CSTF3: variants seen among roughly 807,000 people sequenced by gnomAD.
CSTF3 encodes cleavage stimulation factor subunit 3, also known as CF-1 77 kDa subunit.
In CSTF3, 29 loss-of-function variants were observed where a neutral mutation model predicts 105.8. The ratio of observed to expected loss-of-function variants is 0.27; its 90% CI spans 0.20 to 0.37. The LOEUF (loss-of-function observed/expected upper bound fraction) is 0.37, where lower values mean the gene tolerates loss of function less well. CSTF3 is among the 10% of genes least tolerant of loss of function. The pLI is 1.00. For missense variants in CSTF3, 357 were observed against 879.3 expected (o/e 0.41, Z 7.51); for synonymous variants, 252 against 281.9 (o/e 0.89, Z 1.06).
intron 13 of CSTF3, 24 bp from the exon 14 acceptor site, chr11:33,097,002 T>A (rs1323446729): frequency 1.9e-6 from 3 of 1,556,340 alleles, no homozygotes; most frequent in African/African-American, 2.7e-5. Context: ...AGTATTTGTG[T>A]TCTATAAATT....
At position 33,105,492 on chromosome 11, in the gene CSTF3, T is replaced by C; in HGVS notation, c.585+75A>G. On this transcript the variant is annotated intron_variant, in intron 8 of 20. Coordinates refer to ENST00000323959, the MANE Select transcript of CSTF3 (RefSeq NM_001326.3). The stretch of plus-strand genomic sequence containing the variant: ...GTGTAACACTGATACAGAAAGGCTA[T>C]AATCTACAAATCCACAATGCATAGA... 2.2e-6 allele frequency: 3 copies of C among 1,361,848 alleles called. No homozygotes were observed. The South Asian group carries it at 4.2e-5, about 19-fold the overall frequency. The allele number at this position is 1,361,848 out of a possible 1,614,324, so 84.4% of individuals were successfully genotyped here.
intron 3 of CSTF3, among the ~76,000 whole-genome samples, chr11:33,126,390 C>T (rs1280622701): frequency 6.6e-6 from 1 of 151,934 alleles, no homozygotes; most frequent in East Asian, 1.9e-4. Flanking sequence ...TTACAGGTTA[C>T]AGTGAGCGGA....
intron 15 of CSTF3, among the ~76,000 whole-genome samples, chr11:33,093,116 G>A (rs1044550446): frequency 2.6e-5 from 4 of 152,144 alleles, no homozygotes; most frequent in Non-Finnish European, 5.9e-5. Flanking sequence ...TAACCCAGCA[G>A]AGGAGTTGTT....
chr11:33,104,402 T>C (rs1855308699), intron 8 of CSTF3, among the ~76,000 whole-genome samples: 1 of 152,162 alleles, frequency 6.6e-6, no homozygotes, highest in Non-Finnish European at 1.5e-5. Context: ...TCTATTACAC[T>C]AGATATGAAA....
At chr11:33,087,201 T>A (rs542164672) in intron 17 of CSTF3, 60 bp from the exon 18 acceptor site, 2 of 1,555,540 alleles carry the variant, frequency 1.3e-6, no homozygotes, top group African/African-American at 2.7e-5. Flanking sequence ...AGAATAATCA[T>A]GCAATAACCT....
At chr11:33,092,713 A>G (rs536291442) in intron 15 of CSTF3, among the ~76,000 whole-genome samples, 9 of 152,332 alleles carry the variant, frequency 5.9e-5, no homozygotes, top group African/African-American at 2.2e-4. Flanking sequence ...GACTACTGCT[A>G]TTTTTTAAAT....
chr11:33,088,643 C>T lies in CSTF3; in HGVS notation c.1642-1502G>A, dbSNP rs1052823557. 4.0e-5 allele frequency among the ~76,000 whole-genome samples: 6 copies of T among 151,870 alleles called. No homozygotes were observed. The South Asian group carries it at 6.3e-4, about 16-fold the overall frequency. ...ATTTTATTTTTTTAAGACAGGGTCT[C>T]ACTCTGTCACCCAGTCAGGAGTGCA... is the stretch of plus-strand genomic sequence containing the variant. On this transcript the variant is annotated intron_variant, in intron 17 of 20. Transcript: ENST00000323959.
intron 10 of CSTF3, among the ~76,000 whole-genome samples, chr11:33,100,496 C>T (rs543065028): frequency 5.9e-5 from 9 of 152,218 alleles, no homozygotes; most frequent in African/African-American, 2.2e-4. Flanking sequence ...TGCACCCAGC[C>T]TAAGTTAATA....
intron 16 of CSTF3, 134 bp from the exon 17 acceptor site, chr11:33,090,861 A>G: frequency 3.9e-6 from 2 of 510,810 alleles, no homozygotes; most frequent in South Asian, 8.3e-5. Flanking sequence ...AAAGATTTTT[A>G]GACTATAGAA....
At chr11:33,112,469 T>C (rs1699728335) in intron 3 of CSTF3, among the ~76,000 whole-genome samples, 1 of 152,176 alleles carries the variant, frequency 6.6e-6, no homozygotes, top group Non-Finnish European at 1.5e-5. Flanking sequence ...CCATAAATCA[T>C]ACTAGTCAAC....
intron 3 of CSTF3, among the ~76,000 whole-genome samples, chr11:33,125,487 T>A (rs1256371268): frequency 2.0e-5 from 3 of 152,220 alleles, no homozygotes; most frequent in Non-Finnish European, 4.4e-5. Context: ...CTACTTTACA[T>A]ACATGGCTTC....
intron 14 of CSTF3, 62 bp from the exon 15 acceptor site, chr11:33,096,470 GAA>G: frequency 9.6e-7 from 1 of 1,040,724 alleles, no homozygotes; most frequent in Non-Finnish European, 1.4e-6. Flanking sequence ...ACACTTGAAA[GAA>G]TATTAAAATT....
chr11:33,134,893 G>A (rs1250033114), intron 3 of CSTF3, among the ~76,000 whole-genome samples: 6 of 152,088 alleles, frequency 3.9e-5, no homozygotes, highest in Admixed American at 2.0e-4. Flanking sequence ...CCAGAAGAAT[G>A]AGAAGTACCA....
chr11:33,143,252 AT>A (rs3060631), intron 1 of CSTF3, among the ~76,000 whole-genome samples: 3 of 152,032 alleles, frequency 2.0e-5, no homozygotes, highest in Admixed American at 6.6e-5. Context: ...TTAGAGGCTG[AT>A]TTTTTTTCCC....
intron 1 of CSTF3, among the ~76,000 whole-genome samples, chr11:33,143,917 G>A (rs1353393970): frequency 2.0e-5 from 3 of 151,974 alleles, no homozygotes; most frequent in South Asian, 4.2e-4. Flanking sequence ...GTGAACCCAG[G>A]AGGCGGAGCT....
chr11:33,103,384 G>A (rs1855297825), intron 8 of CSTF3, among the ~76,000 whole-genome samples, 200 bp from the exon 9 acceptor site: 1 of 152,250 alleles, frequency 6.6e-6, no homozygotes, highest in South Asian at 2.1e-4. Flanking sequence ...AGGAGGATGT[G>A]CTTATGTCTT....
chr11:33,107,010 C>A (rs1171441375), intron 5 of CSTF3, among the ~76,000 whole-genome samples: 1 of 152,104 alleles, frequency 6.6e-6, no homozygotes, highest in Non-Finnish European at 1.5e-5. Context: ...GTGGTTTATG[C>A]CTGTAATTCC....
chr11:33,115,413 T>C (rs1344619846), intron 3 of CSTF3, among the ~76,000 whole-genome samples: 3 of 152,190 alleles, frequency 2.0e-5, no homozygotes, highest in Non-Finnish European at 2.9e-5. Context: ...TTTGGAAATA[T>C]TGAAGAATGA....
At chr11:33,148,215 T>A (rs753054914) in intron 1 of CSTF3, among the ~76,000 whole-genome samples, 49 of 152,112 alleles carry the variant, frequency 3.2e-4, no homozygotes, top group Non-Finnish European at 4.9e-4. Context: ...CCTTAATACA[T>A]CAAATGAGCC....
Sources: allele counts gnomAD v4.1 joint callset (sites outside exome capture counted in the v4.1 genomes callset), GRCh38; gene constraint gnomAD v4.1.1; transcripts MANE v1.5; gene names NCBI Gene and HGNC (gene_info 2026-07-23, HGNC 2026-07-21).